Variants in C2CD3 observed in about 807,000 individuals in gnomAD.
C2CD3 encodes C2 domain containing 3 centriole elongation regulator, also known as C2 domain-containing protein 3.
In C2CD3, 148 loss-of-function variants were observed where a neutral mutation model predicts 234.0. The observed-to-expected ratio is 0.63, with a 90% CI of 0.55 to 0.72. C2CD3 has a LOEUF of 0.72. Ranked by LOEUF, C2CD3 falls within the 30% of genes least tolerant of loss-of-function variation. The pLI is 0.00. For synonymous variants in C2CD3, 1,000 were observed against 1,035.4 expected, an observed-to-expected ratio of 0.97 and a Z score of 0.66; for missense variants, 2,577 against 2,811.5, an observed-to-expected ratio of 0.92 and a Z score of 1.89.
intron 23 of C2CD3, among the ~76,000 whole-genome samples, chr11:74,076,887 C>G (rs759045138): frequency 6.6e-6 from 1 of 152,158 alleles, no homozygotes; most frequent in African/African-American, 2.4e-5. Flanking sequence ...ACCAAGAATA[C>G]CTTTTTCATA....
chr11:74,076,544 G>T (rs953839702), intron 23 of C2CD3, among the ~76,000 whole-genome samples: 1 of 152,158 alleles, frequency 6.6e-6, no homozygotes, highest in Admixed American at 6.5e-5. Context: ...GAACCATTGT[G>T]CTAGTTTTCC....
In C2CD3 at chr11:74,071,060, G is replaced by A. The variant is rs570412412; in HGVS notation, c.4951+3193C>T. ...CCCCACAGCTTTCCTCTTTCATATC[G>A]TTTATTCCTCTGTACTAAAAATGTT... On this transcript the variant is annotated intron_variant, in intron 24 of 32. Transcript: ENST00000334126. 7.0e-4 allele frequency among the ~76,000 whole-genome samples: 107 copies of A among 152,122 alleles called. 2 individuals are homozygous for A. The highest frequency in any genetic ancestry group is 2.4e-3 in the African/African-American group (98 of 41,466).
intron 32 of C2CD3, among the ~76,000 whole-genome samples, chr11:74,022,452 C>T (rs1411845194): frequency 6.6e-6 from 1 of 152,174 alleles, no homozygotes; most frequent in South Asian, 2.1e-4. Context: ...TGGGTCCGTA[C>T]GTGTCTGCGG....
At chr11:74,022,967 A>G (rs1050836661) in intron 32 of C2CD3, among the ~76,000 whole-genome samples, 4 of 152,254 alleles carry the variant, frequency 2.6e-5, no homozygotes, top group Non-Finnish European at 4.4e-5. Context: ...GTTATTCTAC[A>G]GTACAACCAC....
chr11:74,125,623 T>G (rs1260877399), intron 7 of C2CD3, among the ~76,000 whole-genome samples: 1 of 152,216 alleles, frequency 6.6e-6, no homozygotes, highest in Non-Finnish European at 1.5e-5. Flanking sequence ...TTAGTTATAT[T>G]ACAAATTTTT....
chr11:74,092,494 C>T lies in C2CD3; in HGVS notation c.3439G>A (p.Asp1147Asn). Residue 1147 changes from aspartate to asparagine, a missense_variant, in exon 19 of 33, where the codon GAT (aspartate) becomes AAT (asparagine). Asp to Asn is a conservative substitution (Grantham distance 23). Transcript: ENST00000334126. Reference protein sequence around the residue: ...CAMVTTQHREDVGIQTFNLPL... With the variant: ...CAMVTTQHRENVGIQTFNLPL... Reference sequence around the variant, plus strand: ...AGATTAAAGGTCTGTATTCCCACATCCTCACGATGCTGGGTGGTTACCATA... The same window carrying T: ...AGATTAAAGGTCTGTATTCCCACATTCTCACGATGCTGGGTGGTTACCATA... The T allele has an allele frequency of 1.9e-6, 3 of 1,613,526 alleles. No homozygotes were observed. The highest frequency in any genetic ancestry group is 8.5e-7 in the Non-Finnish European group (1 of 1,179,466).
chr11:74,022,884 C>T (rs1952145565), intron 32 of C2CD3, among the ~76,000 whole-genome samples: 3 of 152,232 alleles, frequency 2.0e-5, no homozygotes, highest in East Asian at 3.8e-4. Flanking sequence ...TTTGCAGAGG[C>T]GACAGCCAGA....
chr11:74,140,846 G>C (rs1306395773), intron 3 of C2CD3, among the ~76,000 whole-genome samples: 1 of 152,158 alleles, frequency 6.6e-6, no homozygotes, highest in Non-Finnish European at 1.5e-5. Context: ...CAACTAAGAT[G>C]AAAAGGTAAT....
intron 26 of C2CD3, among the ~76,000 whole-genome samples, chr11:74,052,070 T>A (rs1953717259): frequency 6.6e-6 from 1 of 152,196 alleles, no homozygotes; most frequent in African/African-American, 2.4e-5. Flanking sequence ...AGCTTAGCGT[T>A]CCAATAATGG....
chr11:74,018,945 A>C (rs1951977964), intron 32 of C2CD3, among the ~76,000 whole-genome samples: 2 of 151,994 alleles, frequency 1.3e-5, no homozygotes, highest in South Asian at 4.2e-4. Context: ...TCCTTACTCC[A>C]AGAAGCCTTC....
At chr11:74,138,684 A>G in intron 5 of C2CD3, 36 bp downstream of exon 5, 1 of 1,558,458 alleles carries the variant, frequency 6.4e-7, no homozygotes, top group Non-Finnish European at 8.8e-7. Flanking sequence ...CCATAAACGT[A>G]GTTTAGTCTG....
intron 32 of C2CD3, among the ~76,000 whole-genome samples, chr11:74,019,499 G>T (rs1444083780): frequency 6.6e-6 from 1 of 152,170 alleles, no homozygotes; most frequent in Non-Finnish European, 1.5e-5. Context: ...AGGACCTCTT[G>T]CCCCAAGAGG....
At chr11:74,120,461 C>T (rs1957173609) in intron 8 of C2CD3, among the ~76,000 whole-genome samples, 2 of 152,188 alleles carry the variant, frequency 1.3e-5, no homozygotes. Flanking sequence ...ATGACCTCAT[C>T]CTTTTTTATG....
chr11:74,161,013 A>G (rs1177080686), intron 3 of C2CD3, among the ~76,000 whole-genome samples: 1 of 152,236 alleles, frequency 6.6e-6, no homozygotes, highest in African/African-American at 2.4e-5. Flanking sequence ...AGAGAAAACA[A>G]AGGCTTGCCT....
intron 31 of C2CD3, among the ~76,000 whole-genome samples, chr11:74,029,163 C>A (rs542308266): frequency 6.6e-6 from 1 of 152,300 alleles, no homozygotes; most frequent in East Asian, 1.9e-4. Flanking sequence ...ATATGGTGTT[C>A]TACAGGTATT....
intron 3 of C2CD3, among the ~76,000 whole-genome samples, chr11:74,143,005 A>G (rs1467803741): frequency 1.3e-5 from 2 of 152,158 alleles, no homozygotes; most frequent in African/African-American, 4.8e-5. Context: ...TCCAATAGAA[A>G]CCACCTACAC....
chr11:74,153,623 T>C (rs746547050), intron 3 of C2CD3, among the ~76,000 whole-genome samples: 11 of 152,214 alleles, frequency 7.2e-5, no homozygotes, highest in Non-Finnish European at 1.3e-4. Flanking sequence ...TCTCTGAATT[T>C]TATCTGTATA....
At chr11:74,117,089 TATATATATA>T (rs1957015819) in intron 9 of C2CD3, among the ~76,000 whole-genome samples, 1 of 30,172 alleles carries the variant, frequency 3.3e-5, no homozygotes, top group Non-Finnish European at 6.1e-5. Context: ...TATATATGAA[TATATATATA>T]TGAATATATA....
Position 74,034,124 on chromosome 11 carries a change from T to C in C2CD3, c.6036A>G (p.Pro2012=). 6.5e-7 allele frequency: 1 copy of C among 1,536,268 alleles called. No homozygotes were observed. Among genetic ancestry groups the C allele is most frequent in the Non-Finnish European group, 8.7e-7 (1 of 1,146,916 alleles). The change falls in exon 31 of 33, where the codon CCA becomes CCG. Residue 2012 remains proline (P), a synonymous_variant. Transcript: ENST00000334126. The part of the protein sequence containing the change: ...TMPDEPLVRA[P]DKGTDSPSPP... ...GTGATGGGGAATCTGTGCCTTTATCTGGAGCTCTTACCAATGGCTCATCTG... is the reference window on the plus strand; with the variant it reads ...GTGATGGGGAATCTGTGCCTTTATCCGGAGCTCTTACCAATGGCTCATCTG...
Sources: allele counts gnomAD v4.1 joint callset (sites outside exome capture counted in the v4.1 genomes callset), GRCh38; gene constraint gnomAD v4.1.1; transcripts MANE v1.5; gene names NCBI Gene and HGNC (gene_info 2026-07-23, HGNC 2026-07-21).